KDM4C: variants seen among roughly 807,000 people sequenced by gnomAD.
The protein encoded by KDM4C is lysine demethylase 4C.
KDM4C carries 81 observed loss-of-function variants against 129.3 expected under a neutral mutation model. The observed-to-expected ratio is 0.63, with a 90% confidence interval of 0.52 to 0.75. KDM4C has a LOEUF of 0.75. Ranked by LOEUF, KDM4C falls within the 30% of genes least tolerant of loss-of-function variation. The probability of loss-of-function intolerance (pLI) is 0.00; values close to 1 mark genes in which losing one functional copy is unlikely to be tolerated. For synonymous variants in KDM4C, 573 were observed against 456.1 expected (o/e 1.26, Z -3.26); for missense variants, 1,457 against 1,304.0 (o/e 1.12, Z -1.81).
intron 8 of KDM4C, among the ~76,000 whole-genome samples, chr9:6,933,959 C>G (rs1036530698): frequency 5.9e-5 from 9 of 151,952 alleles, no homozygotes; most frequent in African/African-American, 1.9e-4. Flanking sequence ...AAGTGATTCT[C>G]CTGCCATAGC....
intron 8 of KDM4C, among the ~76,000 whole-genome samples, chr9:6,943,488 C>T (rs918150784): frequency 2.0e-5 from 3 of 151,996 alleles, no homozygotes; most frequent in Non-Finnish European, 2.9e-5. Flanking sequence ...TGGGGAGGAT[C>T]GCCTGAGCCC....
intron 15 of KDM4C, among the ~76,000 whole-genome samples, chr9:7,029,838 C>T (rs1826430291): frequency 6.6e-6 from 1 of 152,158 alleles, no homozygotes; most frequent in African/African-American, 2.4e-5. Flanking sequence ...CCTTTTATGA[C>T]TTTGACCAAT....
At chr9:6,812,972 T>G (rs556068822) in intron 3 of KDM4C, among the ~76,000 whole-genome samples, 6 of 152,128 alleles carry the variant, frequency 3.9e-5, no homozygotes, top group Non-Finnish European at 8.8e-5. Flanking sequence ...GGTCGGGAGT[T>G]CGAGACCAGC....
At chr9:6,977,413 A>G (rs565242596) in intron 8 of KDM4C, among the ~76,000 whole-genome samples, 60 of 152,278 alleles carry the variant, frequency 3.9e-4, no homozygotes, top group Non-Finnish European at 6.5e-4. Context: ...TATGTTCTGA[A>G]AGTTATTCTT....
At chr9:7,020,999 G>T (rs552362322) in intron 15 of KDM4C, among the ~76,000 whole-genome samples, 3 of 150,160 alleles carry the variant, frequency 2.0e-5, no homozygotes, top group Admixed American at 2.0e-4. Context: ...CTAGCCTCTG[G>T]TAACCATCCT....
chr9:7,153,623 G>C (rs552088699), intron 19 of KDM4C, among the ~76,000 whole-genome samples: 1 of 152,160 alleles, frequency 6.6e-6, no homozygotes. Flanking sequence ...CCATTGTTAA[G>C]TGAGAGGTTT....
At chr9:6,976,097 C>T (rs1053581056) in intron 8 of KDM4C, among the ~76,000 whole-genome samples, 12 of 152,010 alleles carry the variant, frequency 7.9e-5, no homozygotes, top group African/African-American at 2.9e-4. Flanking sequence ...GTTTTTGAGA[C>T]TAACGTATCT....
intron 1 of KDM4C, among the ~76,000 whole-genome samples, chr9:6,766,281 A>AT (rs1212640261): frequency 3.3e-5 from 5 of 152,268 alleles, no homozygotes; most frequent in Admixed American, 3.3e-4. Context: ...TTTGAGTGTC[A>AT]TGTTTGCCCT....
chr9:6,981,733 GGGT>G (rs1816795625), intron 9 of KDM4C: 1 of 175,742 alleles, frequency 5.7e-6, no homozygotes, highest in African/African-American at 2.4e-5. Context: ...CTATTGAATA[GGGT>G]GTGTGTGGTG....
At position 7,033,290 on chromosome 9, in the gene KDM4C, C is replaced by T. The variant is rs528414739; in HGVS notation, c.2260-13572C>T. Among the ~76,000 whole-genome samples the T allele has an allele frequency of 1.6e-4, 25 of 152,238 alleles. No homozygotes were observed. The South Asian group carries it at 3.9e-3, about 24-fold the overall frequency. On this transcript the variant is annotated intron_variant, in intron 15 of 21. Transcript: ENST00000381309. ...GTTCTTGTCAAAGGCAGGACATTCA[C>T]CATTGGGCGGGTAGCCAAGTGGTTG...
At chr9:6,939,134 G>A (rs1451309677) in intron 8 of KDM4C, among the ~76,000 whole-genome samples, 3 of 151,630 alleles carry the variant, frequency 2.0e-5, no homozygotes, top group African/African-American at 7.2e-5. Flanking sequence ...GAACTGGGCT[G>A]CACCATAGGA....
chr9:6,774,534 A>G (rs1822594298), intron 1 of KDM4C, among the ~76,000 whole-genome samples: 1 of 152,104 alleles, frequency 6.6e-6, no homozygotes. Context: ...GTGTGGTGGC[A>G]CACACCCGTA....
At chr9:7,125,663 T>C (rs149885772) in intron 18 of KDM4C, among the ~76,000 whole-genome samples, 1,628 of 152,362 alleles carry the variant, frequency 0.011, 12 homozygotes, top group South Asian at 0.025. Context: ...TGATTCTGGA[T>C]GATGATAAAC....
At chr9:6,886,837 C>T (rs946843142) in intron 6 of KDM4C, among the ~76,000 whole-genome samples, 1 of 152,054 alleles carries the variant, frequency 6.6e-6, no homozygotes, top group Non-Finnish European at 1.5e-5. Flanking sequence ...AGGCTTGTCC[C>T]AAACTCCTGG....
chr9:6,802,185 A>G (rs1281733004), intron 2 of KDM4C, among the ~76,000 whole-genome samples: 1 of 152,194 alleles, frequency 6.6e-6, no homozygotes, highest in Non-Finnish European at 1.5e-5. Context: ...CGGAAAATAC[A>G]AATAAAATTC....
At chr9:6,733,670 C>T (rs1047317468) in intron 1 of KDM4C, among the ~76,000 whole-genome samples, 1 of 152,126 alleles carries the variant, frequency 6.6e-6, no homozygotes, top group Non-Finnish European at 1.5e-5. Context: ...AGAAAGAGTT[C>T]AGGGAGAGTC....
At chr9:6,972,374 T>C (rs1832147528) in intron 8 of KDM4C, among the ~76,000 whole-genome samples, 1 of 152,140 alleles carries the variant, frequency 6.6e-6, no homozygotes, top group South Asian at 2.1e-4. Context: ...GATTATATTT[T>C]CTCCCATAAA....
At chr9:6,907,377 A>G (rs1279708648) in intron 8 of KDM4C, among the ~76,000 whole-genome samples, 1 of 152,102 alleles carries the variant, frequency 6.6e-6, no homozygotes, top group Non-Finnish European at 1.5e-5. Context: ...ACATTCATTT[A>G]TTTATTTTTT....
At chr9:6,759,232 A>G (rs1191930497) in intron 1 of KDM4C, among the ~76,000 whole-genome samples, 1 of 152,184 alleles carries the variant, frequency 6.6e-6, no homozygotes, top group Non-Finnish European at 1.5e-5. Context: ...TTAGGTTCAC[A>G]CTAAACTCTG....
Sources: gnomAD v4.1 joint callset for allele counts (sites outside exome capture counted in the v4.1 genomes callset) on GRCh38, gnomAD v4.1.1 for gene constraint, MANE v1.5 for transcripts, NCBI Gene and HGNC (gene_info 2026-07-23, HGNC 2026-07-21) for gene names.